The following AHCTF1 variants were observed in gnomAD, a reference collection of about 807,000 sequenced individuals.
AHCTF1 encodes the protein protein ELYS.
In AHCTF1, 24 loss-of-function variants were observed where a neutral mutation model predicts 248.4. That is an observed-to-expected ratio of 0.10 (90% CI 0.07 to 0.14). AHCTF1 has a LOEUF of 0.14. Among genes scored for constraint, AHCTF1 ranks in the 10% least tolerant of loss-of-function variants. The probability of loss-of-function intolerance (pLI) is 1.00; values close to 1 mark genes in which losing one functional copy is unlikely to be tolerated. For missense variants in AHCTF1, 2,206 were observed against 2,636.2 expected (o/e 0.84, Z 3.57); for synonymous variants, 786 against 929.8 (o/e 0.85, Z 2.81).
chr1:246,894,556 G>C (rs578031491), intron 14 of AHCTF1, 103 bp downstream of exon 14: 1 of 971,374 alleles, frequency 1.0e-6, no homozygotes, highest in East Asian at 2.6e-5. Flanking sequence ...AAAGAAAAGA[G>C]TTTACAACTT....
At chr1:246,872,135 T>C (rs914603696) in intron 24 of AHCTF1, among the ~76,000 whole-genome samples, 41 of 149,620 alleles carry the variant, frequency 2.7e-4, no homozygotes, top group African/African-American at 8.8e-4. Context: ...CATCACATTA[T>C]GGTAAATAAC....
chr1:246,920,332 T>C (rs1666451155), intron 1 of AHCTF1, among the ~76,000 whole-genome samples: 1 of 151,824 alleles, frequency 6.6e-6, no homozygotes. Flanking sequence ...AAACTGTAAA[T>C]GTTAAAGGAA....
chr1:246,842,640 G>T, intron 35 of AHCTF1, 54 bp downstream of exon 35: 1 of 1,464,578 alleles, frequency 6.8e-7, no homozygotes, highest in South Asian at 1.1e-5. Context: ...GGTGGGGACA[G>T]AGCGAGACTG....
At chr1:246,842,167 C>T (rs72764688) in intron 35 of AHCTF1, among the ~76,000 whole-genome samples, 2,364 of 152,264 alleles carry the variant, frequency 0.016, 18 homozygotes, top group Non-Finnish European at 0.024. Flanking sequence ...GCAGTGAAAT[C>T]TAACAATGCC....
chr1:246,857,907 C>T (rs1253067714), intron 29 of AHCTF1, 93 bp from the exon 30 acceptor site: 2 of 1,203,582 alleles, frequency 1.7e-6, no homozygotes, highest in Admixed American at 2.5e-5. Context: ...GTTGTTGGGT[C>T]TGCTTTTTTG....
At chr1:246,881,108 C>T (rs1360411558) in intron 21 of AHCTF1, among the ~76,000 whole-genome samples, 4 of 152,110 alleles carry the variant, frequency 2.6e-5, no homozygotes, top group Non-Finnish European at 5.9e-5. Flanking sequence ...CAACCAACCA[C>T]TGATTTCTAG....
chr1:246,922,702 G>C (rs1354901536), intron 1 of AHCTF1, among the ~76,000 whole-genome samples: 6 of 151,294 alleles, frequency 4.0e-5, no homozygotes, highest in African/African-American at 1.5e-4. Context: ...GTATCAATAG[G>C]CTGGGCGCAG....
intron 11 of AHCTF1, among the ~76,000 whole-genome samples, chr1:246,898,845 C>T (rs980732941): frequency 5.3e-5 from 8 of 152,188 alleles, no homozygotes; most frequent in African/African-American, 1.2e-4. Context: ...CCCAACACTT[C>T]GGGAGGCCGA....
intron 1 of AHCTF1, chr1:246,931,092 C>G (rs1667319999): frequency 6.5e-7 from 1 of 1,546,638 alleles, no homozygotes; most frequent in African/African-American, 1.4e-5. Flanking sequence ...CACGGCTGAG[C>G]CCCGAGTCCA....
chr1:246,848,189 C>T (rs1221150586), intron 33 of AHCTF1, among the ~76,000 whole-genome samples: 2 of 152,014 alleles, frequency 1.3e-5, no homozygotes, highest in Non-Finnish European at 2.9e-5. Flanking sequence ...AGTCATTCTC[C>T]TGGGCTCAAA....
At chr1:246,894,483 C>T (rs931681300) in intron 14 of AHCTF1, among the ~76,000 whole-genome samples, 176 bp downstream of exon 14, 1 of 152,036 alleles carries the variant, frequency 6.6e-6, no homozygotes, top group African/African-American at 2.4e-5. Context: ...GTGGAGCCTG[C>T]AGTGAGCCAA....
In AHCTF1 at chr1:246,863,981, A is replaced by G; in HGVS notation, c.3483T>C (p.Pro1161=). 6.2e-7 allele frequency: 1 copy of G among 1,614,150 alleles called. No individual in the cohort carries two copies. The highest frequency in any genetic ancestry group is 8.5e-7 in the Non-Finnish European group (1 of 1,180,008). The change falls in exon 27 of 36, where the codon CCT becomes CCC. Residue 1161 remains proline, a synonymous_variant. Coordinates refer to ENST00000648844, the MANE Select transcript of AHCTF1 (RefSeq NM_001323342.2). ...LPSSSQLKGS[P]QAISRASELH... ...ATTCTGAAGCCCTGGAGATGGCCTGAGGCGATCCTTTTAATTGCGAACTTG... is the reference window on the plus strand; with the variant it reads ...ATTCTGAAGCCCTGGAGATGGCCTGGGGCGATCCTTTTAATTGCGAACTTG...
At chr1:246,841,648 G>GT (rs1437692050) in intron 35 of AHCTF1, among the ~76,000 whole-genome samples, 1 of 152,104 alleles carries the variant, frequency 6.6e-6, no homozygotes, top group African/African-American at 2.4e-5. Flanking sequence ...GTGTATAATT[G>GT]TTTTTTACTA....
In AHCTF1 at chr1:246,916,397, T is replaced by C. The variant is rs1358184614; in HGVS notation, c.122-2A>G. 1 of 1,595,418 alleles carries C rather than the reference T, an allele frequency of 6.3e-7. No individual in the cohort carries two copies. The highest frequency in any genetic ancestry group is 1.8e-5 in the Admixed American group (1 of 54,684). On this transcript the variant is annotated splice_acceptor_variant, in intron 2 of 35. Transcript: ENST00000648844. LOFTEE classifies it high-confidence loss of function. ...CCAAGCAAGCAAGTCCATTTTTCCC[T>C]AGAAGAAAAAAAAATTGCCTATTTT...
Position 246,900,173 on chromosome 1 carries a change from G to T in AHCTF1, c.1324C>A (p.Pro442Thr), listed in dbSNP as rs767886013. ...ACTAATATATCCAAGATGCCATGTG[G>T]AGAAGTCCTACTTACAACAGACTCC... ...SLESVVSRTS[P>T]HGILDILVHE... The change falls in exon 10 of 36, where the codon CCA becomes ACA. Residue 442 changes from proline to threonine, a missense_variant. This residue lies in a region of AHCTF1 where 650 missense variants were observed against 870.8 expected (regional missense o/e 0.75). Coordinates refer to ENST00000648844, the MANE Select transcript of AHCTF1 (RefSeq NM_001323342.2). The T allele has an allele frequency of 3.1e-6, 5 of 1,610,590 alleles. No individual in the cohort carries two copies. The African/African-American group carries it at 5.4e-5, about 17-fold the overall frequency.
intron 29 of AHCTF1, 24 bp downstream of exon 29, chr1:246,860,875 G>C: frequency 6.3e-7 from 1 of 1,588,334 alleles, no homozygotes; most frequent in East Asian, 2.3e-5. Flanking sequence ...TAACAATTTT[G>C]AGTATTCAGA....
intron 24 of AHCTF1, among the ~76,000 whole-genome samples, chr1:246,868,643 G>A (rs1572390245): frequency 6.7e-6 from 1 of 149,384 alleles, no homozygotes; most frequent in East Asian, 2.0e-4. Context: ...TATTCTTTGT[G>A]TTTTCTAGAA....
At position 246,905,674 on chromosome 1, in the gene AHCTF1, T is replaced by A; in HGVS notation, c.765-17A>T. ...ATGTAATATCTGAAACAAATTAGTA[T>A]ATTTCATATTTTTAAGTTATTTTTT... On this transcript the variant is annotated splice_polypyrimidine_tract_variant and intron_variant, in intron 5 of 35. Coordinates refer to ENST00000648844, the MANE Select transcript of AHCTF1 (RefSeq NM_001323342.2). 1 of 1,570,978 alleles carries A rather than the reference T, an allele frequency of 6.4e-7. No homozygotes were observed. The highest frequency in any genetic ancestry group is 8.7e-7 in the Non-Finnish European group (1 of 1,143,512).
In AHCTF1 at chr1:246,888,502, G is replaced by T. The variant is rs749543190; in HGVS notation, c.2160C>A (p.Pro720=). Residue 720 remains proline (P), a synonymous_variant, in exon 18 of 36, where the codon CCC becomes CCA. Coordinates refer to ENST00000648844, the MANE Select transcript of AHCTF1 (RefSeq NM_001323342.2). ...FERLSRGKWN[P]DCLMIDGLVS... is the part of the protein sequence containing the mutation. ...CCAGTCCATCAATCATCAAGCAATC[G>T]GGATTCCACTTCCCTCTGCAATCAG... 1 of 1,613,696 alleles carries T rather than the reference G, an allele frequency of 6.2e-7. No individual in the cohort carries two copies. The highest frequency in any genetic ancestry group is 8.5e-7 in the Non-Finnish European group (1 of 1,179,954).
Sources: allele counts gnomAD v4.1 joint callset (sites outside exome capture counted in the v4.1 genomes callset), GRCh38; gene constraint gnomAD v4.1.1; regional missense constraint gnomAD v4.1.1; transcripts MANE v1.5; gene names NCBI Gene and HGNC (gene_info 2026-07-23, HGNC 2026-07-21).